Variants in PARP3 observed in about 807,000 individuals in gnomAD.
PARP3 encodes the protein protein mono-ADP-ribosyltransferase PARP3.
In PARP3, 46 loss-of-function variants were observed where a neutral mutation model predicts 58.2. That is an observed-to-expected ratio of 0.79 (90% CI 0.62 to 1.01). The LOEUF is 1.01. Ranked by LOEUF, PARP3 falls within the 50% of genes least tolerant of loss-of-function variation. The probability of loss-of-function intolerance (pLI) is 0.00; values close to 1 mark genes in which losing one functional copy is unlikely to be tolerated. For missense variants in PARP3, 663 were observed against 683.9 expected, an observed-to-expected ratio of 0.97 and a Z score of 0.34; for synonymous variants, 252 against 266.4, an observed-to-expected ratio of 0.95 and a Z score of 0.53.
chr3:51,943,541 G>A lies in PARP3; in HGVS notation c.183+3G>A. ...TCAGCAGCAACCCCGGGACCCAGGT[G>A]AGCTGCAGTCCCCAGTCAGGCCCAG... On this transcript the variant is annotated splice_donor_region_variant and intron_variant, in intron 2 of 10. Transcript: ENST00000398755. The A allele has an allele frequency of 6.2e-7, 1 of 1,606,600 alleles. No homozygotes were observed. Among genetic ancestry groups the A allele is most frequent in the Non-Finnish European group, 8.5e-7 (1 of 1,177,028 alleles).
Position 51,945,654 on chromosome 3 carries a change from G to T in PARP3, c.1011+10G>T, listed in dbSNP as rs930908566. The T allele has an allele frequency of 1.2e-6, 2 of 1,613,468 alleles. No individual in the cohort carries two copies. The highest frequency in any genetic ancestry group is 4.5e-5 in the East Asian group (2 of 44,874). Reference sequence around the variant, plus strand: ...AGCACCTGAGTACAAGGTGAGTTGGGCCCCACAGAGGGGCCAGGCTATCAG... The same window carrying T: ...AGCACCTGAGTACAAGGTGAGTTGGTCCCCACAGAGGGGCCAGGCTATCAG... On this transcript the variant is annotated intron_variant, in intron 7 of 10. Coordinates refer to ENST00000398755, the MANE Select transcript of PARP3 (RefSeq NM_001003931.4).
Position 51,944,589 on chromosome 3 carries a change from C to T in PARP3, c.501+11C>T. 3.1e-6 allele frequency: 5 copies of T among 1,613,314 alleles called. No individual in the cohort carries two copies. The highest frequency in any genetic ancestry group is 4.2e-6 in the Non-Finnish European group (5 of 1,179,378). On this transcript the variant is annotated intron_variant, in intron 4 of 10. Coordinates refer to ENST00000398755, the MANE Select transcript of PARP3 (RefSeq NM_001003931.4). The surrounding 1 kb of genome is among the most constrained non-coding windows in gnomAD (Gnocchi z 4.2). Reference sequence around the variant, plus strand: ...GAAGCTGTGGTGAAGGTGAGATGGCCAAGGAAGGTGGGCAGGCCCTGGACT... The same window carrying T: ...GAAGCTGTGGTGAAGGTGAGATGGCTAAGGAAGGTGGGCAGGCCCTGGACT...
chr3:51,942,407 G>T lies in PARP3; in HGVS notation c.-304G>T, dbSNP rs946157557. On this transcript the variant is annotated 5_prime_UTR_variant, in exon 1 of 11. Coordinates refer to ENST00000398755, the MANE Select transcript of PARP3 (RefSeq NM_001003931.4). ...CGTGCTGCAGGCCCCGGCCACATGA[G>T]CAGCGCTACGGACGCGACTGCCCCG... The T allele has an allele frequency of 3.6e-6, 2 of 563,290 alleles. No homozygotes were observed. The highest frequency in any genetic ancestry group is 2.0e-5 in the South Asian group (1 of 51,266). The allele number at this position is 563,290 out of a possible 1,614,324, so 34.9% of individuals were successfully genotyped here. A position where few individuals can be genotyped will look rare whatever the true frequency, so the allele number is the denominator to read the frequency against.
At position 51,944,492 on chromosome 3, in the gene PARP3, G is replaced by A; in HGVS notation, c.415G>A (p.Glu139Lys). 1 of 1,614,240 alleles carries A rather than the reference G, an allele frequency of 6.2e-7. No homozygotes were observed. Among genetic ancestry groups the A allele is most frequent in the Non-Finnish European group, 8.5e-7 (1 of 1,180,052 alleles). Residue 139 changes from glutamate to lysine, a missense_variant, in exon 4 of 11, where the codon GAG becomes AAG. Around this residue, in one of 3 missense-constraint regions of PARP3, gnomAD observed 567 missense variants for 553.6 expected, o/e 1.02. Coordinates refer to ENST00000398755, the MANE Select transcript of PARP3 (RefSeq NM_001003931.4). This position sits in a 1 kb window ranked among gnomAD's most constrained non-coding sequence, Gnocchi z 4.2. ...GGAAAAGACCAAGAACAACTGGGCA[G>A]AGCGGGACCACTTTGTGTCTCACCC... ...FREKTKNNWA[E>K]RDHFVSHPGK...
rs753310144 is a variant in PARP3 at position 51,944,730 on chromosome 3, T to C, written c.502-48T>C. The C allele has an allele frequency of 1.1e-5, 17 of 1,580,634 alleles. No homozygotes were observed. The highest frequency in any genetic ancestry group is 1.4e-5 in the Non-Finnish European group (16 of 1,162,774). ...CAGGCTGGCTGGTCTCTGTCTGGTG[T>C]CACGCCCTGCCCCGCTGCTCCTGCC... On this transcript the variant is annotated intron_variant, in intron 4 of 10. Coordinates refer to ENST00000398755, the MANE Select transcript of PARP3 (RefSeq NM_001003931.4). This position sits in a 1 kb window ranked among gnomAD's most constrained non-coding sequence, Gnocchi z 4.2.
rs1199010599 is a variant in PARP3 at position 51,944,849 on chromosome 3, G to A, written c.573G>A (p.Lys191=). Residue 191 remains lysine (K), a synonymous_variant, in exon 5 of 11, where the codon AAG becomes AAA. Coordinates refer to ENST00000398755, the MANE Select transcript of PARP3 (RefSeq NM_001003931.4). This position sits in a 1 kb window ranked among gnomAD's most constrained non-coding sequence, Gnocchi z 4.2. ...GCTCCCTGGACCCAGCCACGCAGAA[G>A]CTCATCACTAACATCTTCAGCAAGG... ...QPCSLDPATQ[K]LITNIFSKEM... 6.2e-7 allele frequency: 1 copy of A among 1,613,888 alleles called. No homozygotes were observed. The highest frequency in any genetic ancestry group is 1.3e-5 in the African/African-American group (1 of 74,928).
rs200569026 is a variant in PARP3, at chr3:51,945,903, A to C, written c.1062A>C (p.Thr354=). ...EQTGSNHRCP[T]LQHIWKVNQE... is the part of the protein sequence containing the mutation. ...CTGGCAGCAACCACAGGTGCCCTAC[A>C]CTTCAACACATCTGGAAAGTAAACC... Residue 354 remains threonine, a synonymous_variant, in exon 8 of 11, where the codon ACA becomes ACC. Transcript: ENST00000398755. 6.2e-7 allele frequency: 1 copy of C among 1,614,054 alleles called. No individual in the cohort carries two copies.
rs369290254 is a variant in PARP3, at chr3:51,946,114, G to T, written c.1099-52G>T. On this transcript the variant is annotated intron_variant, in intron 8 of 10. Transcript: ENST00000398755. This position sits in a 1 kb window ranked among gnomAD's most constrained non-coding sequence, Gnocchi z 4.6. ...TTGGTCACAAGCAGCAGGGCAAGGCGACTGAGTGCTCGGGTGGCATCACTC... is the reference window on the plus strand; with the variant it reads ...TTGGTCACAAGCAGCAGGGCAAGGCTACTGAGTGCTCGGGTGGCATCACTC... The T allele has an allele frequency of 6.6e-7, 1 of 1,520,622 alleles. No homozygotes were observed. The highest frequency in any genetic ancestry group is 9.0e-7 in the Non-Finnish European group (1 of 1,112,762). 94.2% of individuals were successfully genotyped at this position (1,520,622 alleles called of 1,614,324 possible). A position where few individuals can be genotyped will look rare whatever the true frequency, so the allele number is the denominator to read the frequency against.
chr3:51,944,775 C>T lies in PARP3; in HGVS notation c.502-3C>T. On this transcript the variant is annotated splice_polypyrimidine_tract_variant and splice_region_variant and intron_variant, in intron 4 of 10. Coordinates refer to ENST00000398755, the MANE Select transcript of PARP3 (RefSeq NM_001003931.4). The surrounding 1 kb of genome is among the most constrained non-coding windows in gnomAD (Gnocchi z 4.2). ...CCTGCCCACATGTGCCCTCTATCTT[C>T]AGGTGGACAGAGGCCCAGTGAGGAC... The T allele has an allele frequency of 6.2e-7, 1 of 1,606,934 alleles. No individual in the cohort carries two copies. Among genetic ancestry groups the T allele is most frequent in the Non-Finnish European group, 8.5e-7 (1 of 1,176,852 alleles).
intron 10 of PARP3, 81 bp from the exon 11 acceptor site, chr3:51,948,230 A>C (rs1699725761): frequency 2.2e-6 from 3 of 1,354,982 alleles, no homozygotes; most frequent in Non-Finnish European, 2.0e-6. Context: ...ACAGACATGG[A>C]GAGCATAGGG....
Position 51,944,432 on chromosome 3 carries a change from G to T in PARP3, c.355G>T (p.Glu119Ter), listed in dbSNP as rs1699621524. The change falls in exon 4 of 11, where the codon GAA (glutamate) becomes TAA (stop). Residue 119 changes from glutamate to a stop codon, truncating the protein, a stop_gained. Transcript: ENST00000398755. LOFTEE classifies it high-confidence loss of function. This position sits in a 1 kb window ranked among gnomAD's most constrained non-coding sequence, Gnocchi z 4.2. ...QSKINHFTRL[E>*]DAKKDFEKKF... ...AAAGATCAACCACTTCACAAGGCTAGAAGATGCAAAGAAGGACTTTGAGAA... is the reference window on the plus strand; with the variant it reads ...AAAGATCAACCACTTCACAAGGCTATAAGATGCAAAGAAGGACTTTGAGAA... 6.2e-7 allele frequency: 1 copy of T among 1,613,948 alleles called. No individual in the cohort carries two copies.
Position 51,948,532 on chromosome 3 carries a change from C to A in PARP3, c.*52C>A. On this transcript the variant is annotated 3_prime_UTR_variant, in exon 11 of 11. Coordinates refer to ENST00000398755, the MANE Select transcript of PARP3 (RefSeq NM_001003931.4). ...GCAAGGCTGGACTGTGATCTTCAAT[C>A]ATCCTGCCCATCTCTGGTACCCCTA... is the stretch of plus-strand genomic sequence containing the variant. The A allele has an allele frequency of 1.3e-6, 2 of 1,509,042 alleles. No individual in the cohort carries two copies. Among genetic ancestry groups the A allele is most frequent in the Non-Finnish European group, 1.8e-6 (2 of 1,089,682 alleles). 93.5% of individuals were successfully genotyped at this position (1,509,042 alleles called of 1,614,324 possible).
intron 1 of PARP3, 196 bp from the exon 2 acceptor site, chr3:51,943,158 A>G: frequency 1.1e-6 from 1 of 946,384 alleles, no homozygotes; most frequent in Non-Finnish European, 1.5e-6. Flanking sequence ...TCTGAGTGAC[A>G]AAGAGCTGGG....
At chr3:51,945,824 C>G in intron 7 of PARP3, 29 bp from the exon 8 acceptor site, 2 of 1,601,620 alleles carry the variant, frequency 1.2e-6, no homozygotes, top group Non-Finnish European at 1.7e-6. Flanking sequence ...GCCTCCCACC[C>G]TGGCAACCAG....
In PARP3 at chr3:51,944,204, G is replaced by A. The variant is rs28547534; in HGVS notation, c.299G>A (p.Arg100His). 0.01 allele frequency: 16,169 copies of A among 1,613,948 alleles called. 123 individuals carry two copies. The highest frequency in any genetic ancestry group is 0.012 in the Non-Finnish European group (14,251 of 1,179,982). ...DSNRFFTCWN[R>H]WGRVGEVGQS... is the part of the protein sequence containing the mutation. ...AACCGCTTCTTCACCTGCTGGAACC[G>A]CTGGGGCCGTGTGGTGAGTGCCCTG... The change falls in exon 3 of 11, where the codon CGC becomes CAC. Residue 100 changes from arginine (R) to histidine (H), a missense_variant. By Grantham distance (29) the Arg-to-His change is conservative. Around this residue, in one of 3 missense-constraint regions of PARP3, gnomAD observed 567 missense variants for 553.6 expected, o/e 1.02. Transcript: ENST00000398755. This position sits in a 1 kb window ranked among gnomAD's most constrained non-coding sequence, Gnocchi z 4.2.
rs746393453 is a variant in PARP3, at chr3:51,947,920, C to T, written c.1432+25C>T. ...GGTGAGTCCTCAGAAGCTGTACAGC[C>T]CAAGGAGAGAGGTGGGGCCGAGATA... On this transcript the variant is annotated intron_variant, in intron 10 of 10. Transcript: ENST00000398755. The T allele has an allele frequency of 9.3e-6, 15 of 1,609,826 alleles. No individual in the cohort carries two copies. In the Admixed American group the frequency reaches 2.5e-4, roughly 27 times the overall value.
chr3:51,945,231 G>A lies in PARP3; in HGVS notation c.861+7G>A, dbSNP rs1339352546. On this transcript the variant is annotated splice_region_variant and intron_variant, in intron 6 of 10. Coordinates refer to ENST00000398755, the MANE Select transcript of PARP3 (RefSeq NM_001003931.4). ...CAAGAAGGACATGCTGCTGGTGAGG[G>A]CTGGCAGGGGTGCGGGCAGGCAGTG... 1 of 1,611,964 alleles carries A rather than the reference G, an allele frequency of 6.2e-7. No homozygotes were observed. Among genetic ancestry groups the A allele is most frequent in the Non-Finnish European group, 8.5e-7 (1 of 1,178,582 alleles).
Position 51,944,142 on chromosome 3 carries a change from C to T in PARP3, c.237C>T (p.Asn79=), listed in dbSNP as rs988100813. Residue 79 remains asparagine (N), a synonymous_variant, in exon 3 of 11, where the codon AAC becomes AAT. Transcript: ENST00000398755. The surrounding 1 kb of genome is among the most constrained non-coding windows in gnomAD (Gnocchi z 4.2). ...TLNQTNIENN[N]NKFYIIQLLQ... is the part of the protein sequence containing the mutation. ...ACCAGACCAACATCGAGAACAACAA[C>T]AACAAGTTCTACATCATCCAGCTGC... 6.2e-7 allele frequency: 1 copy of T among 1,613,940 alleles called. No homozygotes were observed. Among genetic ancestry groups the T allele is most frequent in the Non-Finnish European group, 8.5e-7 (1 of 1,179,896 alleles).
chr3:51,946,417 G>A lies in PARP3; in HGVS notation c.1276+74G>A. 8.3e-7 allele frequency: 1 copy of A among 1,202,938 alleles called. No individual in the cohort carries two copies. Among genetic ancestry groups the A allele is most frequent in the African/African-American group, 1.5e-5 (1 of 65,688 alleles). The allele number at this position is 1,202,938 out of a possible 1,614,324, so 74.5% of individuals were successfully genotyped here. On this transcript the variant is annotated intron_variant, in intron 9 of 10. Coordinates refer to ENST00000398755, the MANE Select transcript of PARP3 (RefSeq NM_001003931.4). This position sits in a 1 kb window ranked among gnomAD's most constrained non-coding sequence, Gnocchi z 4.6. ...GATTGGGCCCAGTCCTTGGCCACTG[G>A]AAATTCATGGTGAATCCAAGAGAGG...
Sources: gnomAD v4.1 joint callset for allele counts on GRCh38, gnomAD v4.1.1 for gene constraint, gnomAD v4.1.1 regional missense constraint, Gnocchi (gnomAD v3.1) non-coding constraint, MANE v1.5 for transcripts, NCBI Gene and HGNC (gene_info 2026-07-23, HGNC 2026-07-21) for gene names.